The following MYT1L variants were observed in gnomAD, a reference collection of about 807,000 sequenced individuals.
The protein encoded by MYT1L is myelin transcription factor 1-like protein.
A neutral mutation model predicts 126.7 loss-of-function variants in MYT1L; 12 were observed. The observed-to-expected ratio is 0.09, with a 90% CI of 0.06 to 0.15. The LOEUF (loss-of-function observed/expected upper bound fraction) is 0.15. Ranked by LOEUF, MYT1L falls within the 10% of genes least tolerant of loss-of-function variation. The probability of loss-of-function intolerance (pLI) is 1.00; values close to 1 mark genes in which losing one functional copy is unlikely to be tolerated. For synonymous variants in MYT1L, 541 were observed against 604.2 expected, an observed-to-expected ratio of 0.90 and a Z score of 1.53; for missense variants, 979 against 1,585.2, an observed-to-expected ratio of 0.62 and a Z score of 6.49.
intron 3 of MYT1L, among the ~76,000 whole-genome samples, chr2:2,102,134 GT>G (rs1188833437): frequency 6.6e-6 from 1 of 152,112 alleles, no homozygotes; most frequent in African/African-American, 2.4e-5. Flanking sequence ...GGGGGAAGCT[GT>G]TTTAGAGTGA....
chr2:2,034,193 T>C (rs2066746704), intron 4 of MYT1L, among the ~76,000 whole-genome samples: 1 of 152,146 alleles, frequency 6.6e-6, no homozygotes, highest in South Asian at 2.1e-4. Flanking sequence ...TCGACACAAT[T>C]CAGGCATATC....
chr2:2,014,352 C>T (rs2064151982), intron 4 of MYT1L, among the ~76,000 whole-genome samples: 1 of 152,124 alleles, frequency 6.6e-6, no homozygotes, highest in African/African-American at 2.4e-5. Flanking sequence ...TTAATTAATG[C>T]CCACAGCAGC....
chr2:1,952,735 C>T (rs2057904943), intron 8 of MYT1L, among the ~76,000 whole-genome samples: 2 of 56,402 alleles, frequency 3.5e-5, no homozygotes, highest in African/African-American at 8.5e-5. Context: ...TCCCTTCCCT[C>T]CTTCCTTCCC....
chr2:2,320,408 CCA>C (rs981219159), intron 1 of MYT1L, among the ~76,000 whole-genome samples: 9 of 151,530 alleles, frequency 5.9e-5, no homozygotes, highest in African/African-American at 2.2e-4. Context: ...CTCATTCACA[CCA>C]CACTAGCCAT....
chr2:2,201,288 T>C (rs1200113302), intron 2 of MYT1L, among the ~76,000 whole-genome samples: 6 of 152,216 alleles, frequency 3.9e-5, no homozygotes, highest in Non-Finnish European at 8.8e-5. Context: ...TGCTCCAGAA[T>C]GTACTTAGCT....
Position 1,892,281 on chromosome 2 carries a change from C to T in MYT1L, c.2039G>A (p.Arg680Gln), listed in dbSNP as rs750560293. The change falls in exon 15 of 25, where the codon CGG becomes CAG. Residue 680 changes from arginine (R) to glutamine (Q), a missense_variant. Arg to Gln is a conservative substitution (Grantham distance 43). This residue lies in a region of MYT1L where 57 missense variants were observed against 60.3 expected (regional missense o/e 0.94). Coordinates refer to ENST00000647738, the MANE Select transcript of MYT1L (RefSeq NM_001303052.2). ...ISPKGYDDAK[R>Q]YCKDPSPSSS... ...GCTGGGGCTGGGGTCCTTGCAGTACCGCTTCGCTGGGGAGACAGGGACAGG... is the reference window on the plus strand; with the variant it reads ...GCTGGGGCTGGGGTCCTTGCAGTACTGCTTCGCTGGGGAGACAGGGACAGG... The T allele has an allele frequency of 3.9e-6, 6 of 1,548,266 alleles. No homozygotes were observed. In the South Asian group the frequency reaches 4.8e-5, roughly 12 times the overall value.
chr2:2,084,130 G>A (rs987130152), intron 3 of MYT1L, among the ~76,000 whole-genome samples: 2 of 150,824 alleles, frequency 1.3e-5, no homozygotes, highest in Non-Finnish European at 2.9e-5. Context: ...ACTCATTTTA[G>A]TATAGACTGA....
chr2:2,229,381 G>A (rs1426835264), intron 2 of MYT1L, among the ~76,000 whole-genome samples: 1 of 152,050 alleles, frequency 6.6e-6, no homozygotes, highest in Non-Finnish European at 1.5e-5. Context: ...CTAGCACAAT[G>A]AGCATCCCTA....
intron 4 of MYT1L, among the ~76,000 whole-genome samples, chr2:2,037,815 C>A (rs114459868): frequency 0.032 from 4,779 of 148,734 alleles, 144 homozygotes; most frequent in African/African-American, 0.082. Flanking sequence ...AAAAAAAAAA[C>A]CCCCTACACA....
At chr2:2,132,583 G>A (rs1438806760) in intron 3 of MYT1L, among the ~76,000 whole-genome samples, 1 of 151,870 alleles carries the variant, frequency 6.6e-6, no homozygotes, top group Non-Finnish European at 1.5e-5. Flanking sequence ...GGGGGGTGGG[G>A]GCAAGGGGAG....
At chr2:1,837,599 A>G (rs1400555468) in intron 21 of MYT1L, among the ~76,000 whole-genome samples, 1 of 152,130 alleles carries the variant, frequency 6.6e-6, no homozygotes, top group Admixed American at 6.5e-5. Flanking sequence ...CTTTGTAACA[A>G]TCAAACCTGG....
At chr2:2,067,357 G>GA (rs1371200910) in intron 3 of MYT1L, among the ~76,000 whole-genome samples, 2 of 152,072 alleles carry the variant, frequency 1.3e-5, no homozygotes, top group Admixed American at 6.5e-5. Context: ...CAAGTAGAAT[G>GA]AAAAAAATGA....
intron 9 of MYT1L, among the ~76,000 whole-genome samples, chr2:1,939,281 C>T (rs1331849165): frequency 6.6e-6 from 1 of 152,190 alleles, no homozygotes; most frequent in Non-Finnish European, 1.5e-5. Flanking sequence ...GCAGGGGAAT[C>T]GGTTGCTGGC....
At chr2:2,274,022 C>T (rs2095314116) in intron 2 of MYT1L, among the ~76,000 whole-genome samples, 1 of 151,954 alleles carries the variant, frequency 6.6e-6, no homozygotes, top group Admixed American at 6.6e-5. Flanking sequence ...CCATATGACA[C>T]ATTTTTACAA....
At chr2:2,190,291 T>C (rs1232127891) in intron 2 of MYT1L, among the ~76,000 whole-genome samples, 1 of 151,938 alleles carries the variant, frequency 6.6e-6, no homozygotes, top group Non-Finnish European at 1.5e-5. Flanking sequence ...ACCCTGTCTC[T>C]ACAAAAAATA....
At chr2:1,926,579 T>G (rs976438904) in intron 9 of MYT1L, among the ~76,000 whole-genome samples, 1 of 152,192 alleles carries the variant, frequency 6.6e-6, no homozygotes, top group African/African-American at 2.4e-5. Flanking sequence ...TTTTTGTTTT[T>G]TGAGATGGAG....
intron 21 of MYT1L, among the ~76,000 whole-genome samples, chr2:1,813,494 C>T (rs2037040663): frequency 6.6e-6 from 1 of 152,152 alleles, no homozygotes; most frequent in Non-Finnish European, 1.5e-5. Context: ...AAACTCCCGG[C>T]CGTGGCCTGT....
At chr2:1,809,422 G>A (rs78217895) in intron 21 of MYT1L, among the ~76,000 whole-genome samples, 3 of 152,046 alleles carry the variant, frequency 2.0e-5, no homozygotes, top group Non-Finnish European at 2.9e-5. Context: ...CTTGGCGGGG[G>A]GTCTTGGGAG....
chr2:2,239,293 G>A (rs550922928), intron 2 of MYT1L, among the ~76,000 whole-genome samples: 51 of 152,210 alleles, frequency 3.4e-4, no homozygotes, highest in Non-Finnish European at 5.9e-4. Flanking sequence ...GAAGGAAAAA[G>A]TGACTCTCAA....
Sources: gnomAD v4.1 joint callset for allele counts (sites outside exome capture counted in the v4.1 genomes callset) on GRCh38, gnomAD v4.1.1 for gene constraint, gnomAD v4.1.1 regional missense constraint, MANE v1.5 for transcripts, NCBI Gene and HGNC (gene_info 2026-07-23, HGNC 2026-07-21) for gene names.